Variants in COL5A1 observed in about 807,000 individuals in gnomAD.
The protein encoded by COL5A1 is collagen alpha-1(V) chain.
COL5A1 carries 16 observed loss-of-function variants against 263.7 expected under a neutral mutation model. That is an observed-to-expected ratio of 0.06 (90% CI 0.04 to 0.09). COL5A1 has a LOEUF of 0.09. COL5A1 is among the 10% of genes least tolerant of loss of function. The pLI is 1.00. For synonymous variants in COL5A1, 1,012 were observed against 1,004.5 expected (o/e 1.01, Z -0.14); for missense variants, 2,036 against 2,540.5 (o/e 0.80, Z 4.27).
In COL5A1 at chr9:134,754,417, TG is replaced by T; in HGVS notation, c.1827+94del. The T allele has an allele frequency of 6.9e-7, 1 of 1,452,076 alleles. No homozygotes were observed. Among genetic ancestry groups the T allele is most frequent in the Non-Finnish European group, 9.7e-7 (1 of 1,034,422 alleles). The allele number at this position is 1,452,076 out of a possible 1,614,324, so 89.9% of individuals were successfully genotyped here. On this transcript the variant is annotated intron_variant, in intron 16 of 65. Transcript: ENST00000371817. This position sits in a 1 kb window ranked among gnomAD's most constrained non-coding sequence, Gnocchi z 4.3. ...GGTGCGGGCACCCCCAACAGCCAGC[TG>T]GGCCACATGAAGCCAGGTGGCTCCC... is the stretch of plus-strand genomic sequence containing the variant.
chr9:134,822,675 A>G (rs956097224), intron 59 of COL5A1, among the ~76,000 whole-genome samples: 1 of 150,032 alleles, frequency 6.7e-6, no homozygotes, highest in Non-Finnish European at 1.5e-5. Context: ...TGGGGGGTGC[A>G]TTCCATCAGC....
At chr9:134,790,401 CCCAGCCACCCAGCCAT>C (rs1248087443) in intron 32 of COL5A1, among the ~76,000 whole-genome samples, 2 of 106,742 alleles carry the variant, frequency 1.9e-5, no homozygotes, top group Admixed American at 2.0e-4. Flanking sequence ...CACCCACCCA[CCCAGCCACCCAGCCAT>C]CCAGCCACCC....
chr9:134,768,745 TGCTGAGCCGTGAGGAGG>T (rs1836769772), intron 25 of COL5A1, among the ~76,000 whole-genome samples: 1 of 152,214 alleles, frequency 6.6e-6, no homozygotes. Context: ...CAGGCCTGCG[TGCTGAGCCGTGAGGAGG>T]GCTGGGCCGG....
At chr9:134,738,421 G>A in intron 9 of COL5A1, 53 bp from the exon 10 acceptor site, 1 of 1,608,648 alleles carries the variant, frequency 6.2e-7, no homozygotes, top group Non-Finnish European at 8.5e-7. Context: ...TGGGGTCTGG[G>A]GTGTCGGGAG....
chr9:134,759,479 A>G (rs535941679), intron 18 of COL5A1, among the ~76,000 whole-genome samples: 7 of 113,420 alleles, frequency 6.2e-5, no homozygotes, highest in East Asian at 7.6e-4. Flanking sequence ...ACACACACCC[A>G]CACACACCCA....
intron 11 of COL5A1, among the ~76,000 whole-genome samples, chr9:134,744,499 C>T (rs1588494200): frequency 6.6e-6 from 1 of 150,484 alleles, no homozygotes; most frequent in African/African-American, 2.5e-5. Flanking sequence ...TCACCCACAC[C>T]TGCACACACT....
intron 18 of COL5A1, among the ~76,000 whole-genome samples, chr9:134,759,760 C>CA: frequency 1.6e-5 from 2 of 126,442 alleles, no homozygotes; most frequent in Admixed American, 7.9e-5. Context: ...TGCACACACA[C>CA]CCACGCACCC....
In COL5A1 at chr9:134,642,037, A is replaced by G; in HGVS notation, c.-151A>G. 1.5e-6 allele frequency: 1 copy of G among 660,230 alleles called. No individual in the cohort carries two copies. The highest frequency in any genetic ancestry group is 1.9e-5 in the African/African-American group (1 of 53,394). 40.9% of individuals were successfully genotyped at this position (660,230 alleles called of 1,614,324 possible). On this transcript the variant is annotated 5_prime_UTR_variant, in exon 1 of 66. Coordinates refer to ENST00000371817, the MANE Select transcript of COL5A1 (RefSeq NM_000093.5). This position sits in a 1 kb window ranked among gnomAD's most constrained non-coding sequence, Gnocchi z 4.5. ...CGCCCCTTCCAGAACAGCCGCCGCC[A>G]CAAAGAAGAACGGGGGGTGCCGAGG...
chr9:134,790,389 CCCACCCACCCACCCAG>C (rs1588552550), intron 32 of COL5A1, among the ~76,000 whole-genome samples: 1 of 90,228 alleles, frequency 1.1e-5, no homozygotes, highest in African/African-American at 4.4e-5. Context: ...CATCCACCCA[CCCACCCACCCACCCAG>C]CCACCCAGCC....
intron 42 of COL5A1, among the ~76,000 whole-genome samples, chr9:134,806,644 G>C (rs529136561): frequency 6.6e-6 from 1 of 152,350 alleles, no homozygotes; most frequent in East Asian, 1.9e-4. Context: ...TCAGTGCGCT[G>C]TGGACTTGGT....
At chr9:134,671,044 T>G (rs985241611) in intron 1 of COL5A1, among the ~76,000 whole-genome samples, 1 of 152,232 alleles carries the variant, frequency 6.6e-6, no homozygotes, top group Non-Finnish European at 1.5e-5. Flanking sequence ...GCTGCAGCTT[T>G]GGGGCCGCAG....
chr9:134,717,993 G>A (rs1834330844), intron 4 of COL5A1, among the ~76,000 whole-genome samples: 1 of 149,838 alleles, frequency 6.7e-6, no homozygotes, highest in Non-Finnish European at 1.5e-5. Context: ...AGCAGCATGA[G>A]AAGCAGCCTG....
chr9:134,784,384 C>T (rs1053542214), intron 29 of COL5A1, among the ~76,000 whole-genome samples: 3 of 152,362 alleles, frequency 2.0e-5, no homozygotes, highest in Non-Finnish European at 2.9e-5. Flanking sequence ...TCTGCCGTAG[C>T]GCTACCATTG....
chr9:134,645,284 C>T (rs1297807239), intron 1 of COL5A1, among the ~76,000 whole-genome samples: 5 of 152,226 alleles, frequency 3.3e-5, no homozygotes, highest in Non-Finnish European at 5.9e-5. Flanking sequence ...CCGAACACAG[C>T]TGGTGCTGCC....
At chr9:134,806,863 C>A (rs1299243485) in intron 42 of COL5A1, among the ~76,000 whole-genome samples, 1 of 152,162 alleles carries the variant, frequency 6.6e-6, no homozygotes, top group Non-Finnish European at 1.5e-5. Flanking sequence ...AACGGAAAGA[C>A]AAGGCGCCTC....
intron 1 of COL5A1, among the ~76,000 whole-genome samples, chr9:134,687,131 C>A (rs564228692): frequency 6.6e-6 from 1 of 152,144 alleles, no homozygotes; most frequent in African/African-American, 2.4e-5. Flanking sequence ...CCGTGGCATG[C>A]GTGGGGGTCT....
At chr9:134,812,402 A>G (rs376453637) in intron 46 of COL5A1, 47 bp from the exon 47 acceptor site, 111 of 1,599,652 alleles carry the variant, frequency 6.9e-5, no homozygotes, top group African/African-American at 4.4e-4. Context: ...TGTGTTTGAC[A>G]TACACATGAC....
chr9:134,802,616 G>A (rs1237140414), intron 38 of COL5A1, among the ~76,000 whole-genome samples: 2 of 152,230 alleles, frequency 1.3e-5, no homozygotes, highest in African/African-American at 4.8e-5. Context: ...CACATCCCAG[G>A]AAGGCAGGCT....
At chr9:134,825,975 A>G (rs1839248828) in intron 63 of COL5A1, 71 bp downstream of exon 63, 4 of 975,234 alleles carry the variant, frequency 4.1e-6, no homozygotes, top group African/African-American at 3.2e-5. Context: ...GAGGGCTTCA[A>G]GCATTTCTTG....
Sources: gnomAD v4.1 joint callset for allele counts (sites outside exome capture counted in the v4.1 genomes callset) on GRCh38, gnomAD v4.1.1 for gene constraint, Gnocchi (gnomAD v3.1) non-coding constraint, MANE v1.5 for transcripts, NCBI Gene and HGNC (gene_info 2026-07-23, HGNC 2026-07-21) for gene names.